The following C8orf34 variants were observed in gnomAD, a reference collection of about 807,000 sequenced individuals.
The protein encoded by C8orf34 is chromosome 8 open reading frame 34.
Under a neutral mutation model 68.3 loss-of-function variants are expected in C8orf34, and 65 were observed. That is an observed-to-expected ratio of 0.95 (90% CI 0.78 to 1.17). The LOEUF (loss-of-function observed/expected upper bound fraction) is 1.17. Among genes scored for constraint, C8orf34 ranks in the 50% most tolerant of loss-of-function variants. The probability of loss-of-function intolerance (pLI) is 0.00; values close to 1 mark genes in which losing one functional copy is unlikely to be tolerated. For missense variants in C8orf34, 664 were observed against 655.4 expected (o/e 1.01, Z -0.14); for synonymous variants, 244 against 241.2 (o/e 1.01, Z -0.11).
intron 1 of C8orf34, among the ~76,000 whole-genome samples, chr8:68,380,426 A>G (rs1807984312): frequency 6.6e-6 from 1 of 152,258 alleles, no homozygotes; most frequent in African/African-American, 2.4e-5. Flanking sequence ...CACTGTGGAA[A>G]TTACTGTTTA....
chr8:68,806,903 G>T (rs761386897), intron 12 of C8orf34, among the ~76,000 whole-genome samples: 1 of 152,104 alleles, frequency 6.6e-6, no homozygotes, highest in Non-Finnish European at 1.5e-5. Flanking sequence ...TTTCCATGAC[G>T]TGTCAGCTGC....
chr8:68,339,204 T>C lies in C8orf34; in HGVS notation c.327+7865T>C, dbSNP rs145745096. On this transcript the variant is annotated intron_variant, in intron 1 of 13. Coordinates refer to ENST00000518698, the MANE Select transcript of C8orf34 (RefSeq NM_052958.4). ...AATTTATAGGTGCTGTTAGGCAGAA[T>C]TGACATCTTAACAACTTTTAGTCTA... Among the ~76,000 whole-genome samples, 75 of 152,208 alleles carry C rather than the reference T, an allele frequency of 4.9e-4. No individual in the cohort carries two copies. In the South Asian group the frequency reaches 5.0e-3, roughly 10 times the overall value.
chr8:68,726,538 G>A (rs1821835666), intron 10 of C8orf34, among the ~76,000 whole-genome samples: 1 of 152,188 alleles, frequency 6.6e-6, no homozygotes, highest in South Asian at 2.1e-4. Context: ...AGTGTCTGCT[G>A]AGCTAGATTG....
At chr8:68,446,182 C>A in intron 2 of C8orf34, 147 bp from the exon 3 acceptor site, 1 of 609,380 alleles carries the variant, frequency 1.6e-6, no homozygotes, top group Non-Finnish European at 2.9e-6. Flanking sequence ...TGAAATTAAA[C>A]AAGTAATACC....
chr8:68,625,140 G>A (rs1327983686), intron 7 of C8orf34, among the ~76,000 whole-genome samples: 2 of 152,096 alleles, frequency 1.3e-5, no homozygotes, highest in East Asian at 1.9e-4. Context: ...ATGAATGTAG[G>A]GAGAGAACAC....
intron 7 of C8orf34, 22 bp downstream of exon 7, chr8:68,533,171 T>C: frequency 6.5e-7 from 1 of 1,548,552 alleles, no homozygotes; most frequent in Non-Finnish European, 8.7e-7. Context: ...AATTAATAAT[T>C]TCTCATTTTC....
chr8:68,705,414 G>A (rs1585756463), intron 8 of C8orf34, among the ~76,000 whole-genome samples: 1 of 152,136 alleles, frequency 6.6e-6, no homozygotes, highest in African/African-American at 2.4e-5. Flanking sequence ...CAGATATGCA[G>A]GAGAGAGAAG....
Position 68,776,589 on chromosome 8 carries a change from A to G in C8orf34, c.1455+140A>G, listed in dbSNP as rs974223841. 34 of 607,274 alleles carry G rather than the reference A, an allele frequency of 5.6e-5. No homozygotes were observed. In the African/African-American group the frequency reaches 5.7e-4, roughly 10 times the overall value. The allele number at this position is 607,274 out of a possible 1,614,324, so 37.6% of individuals were successfully genotyped here. A position where few individuals can be genotyped will look rare whatever the true frequency, so the allele number is the denominator to read the frequency against. On this transcript the variant is annotated intron_variant, in intron 11 of 13. Coordinates refer to ENST00000518698, the MANE Select transcript of C8orf34 (RefSeq NM_052958.4). ...ATGGTCATGTCCACAAAAACAGGAT[A>G]ATAAATAATAGGTTAGCAAGACAGG...
intron 7 of C8orf34, among the ~76,000 whole-genome samples, chr8:68,629,871 G>A (rs1311355762): frequency 6.6e-6 from 1 of 152,000 alleles, no homozygotes; most frequent in Non-Finnish European, 1.5e-5. Flanking sequence ...GTGTATGTGT[G>A]TACAAAGTGA....
At chr8:68,704,093 A>G (rs955641819) in intron 8 of C8orf34, among the ~76,000 whole-genome samples, 33 of 152,176 alleles carry the variant, frequency 2.2e-4, no homozygotes, top group African/African-American at 7.7e-4. Flanking sequence ...GCTCTATCTA[A>G]GCTAGACTTT....
In C8orf34 at chr8:68,455,345, A is replaced by G. The variant is rs551794548; in HGVS notation, c.607+8885A>G. Among the ~76,000 whole-genome samples, 15 of 152,258 alleles carry G rather than the reference A, an allele frequency of 9.9e-5. No homozygotes were observed. In the South Asian group the frequency reaches 2.3e-3, roughly 23 times the overall value. On this transcript the variant is annotated intron_variant, in intron 3 of 13. Transcript: ENST00000518698. ...ATCGAAAGTGGGGATTTTAAAGTCCACTATTCTTATTATAGTGCCCTCTAA... is the reference window on the plus strand; with the variant it reads ...ATCGAAAGTGGGGATTTTAAAGTCCGCTATTCTTATTATAGTGCCCTCTAA...
intron 12 of C8orf34, among the ~76,000 whole-genome samples, chr8:68,806,705 A>G (rs575205169): frequency 2.5e-4 from 38 of 152,216 alleles, no homozygotes; most frequent in Admixed American, 2.2e-3. Flanking sequence ...TTCTAAATCT[A>G]TCGTTTTTAT....
intron 8 of C8orf34, among the ~76,000 whole-genome samples, chr8:68,652,717 A>G (rs2130783263): frequency 1.3e-5 from 2 of 152,244 alleles, no homozygotes; most frequent in South Asian, 4.1e-4. Flanking sequence ...AATCAGGTTT[A>G]TCTTAAGTGC....
intron 7 of C8orf34, among the ~76,000 whole-genome samples, chr8:68,636,382 C>T (rs1042994538): frequency 1.7e-4 from 25 of 150,988 alleles, no homozygotes; most frequent in African/African-American, 5.6e-4. Flanking sequence ...GAGAACATCC[C>T]AGCTAACACA....
intron 10 of C8orf34, among the ~76,000 whole-genome samples, chr8:68,735,601 A>T (rs976219216): frequency 1.1e-5 from 1 of 90,544 alleles, no homozygotes; most frequent in African/African-American, 5.0e-5. Context: ...CTTTTTCAAG[A>T]CTCATAAAAT....
At chr8:68,594,679 T>C (rs564299190) in intron 7 of C8orf34, among the ~76,000 whole-genome samples, 1 of 152,224 alleles carries the variant, frequency 6.6e-6, no homozygotes, top group South Asian at 2.1e-4. Context: ...TATTCTACAT[T>C]TTTCTGTTTT....
chr8:68,746,884 T>A (rs1196463417), intron 10 of C8orf34, among the ~76,000 whole-genome samples: 1 of 152,084 alleles, frequency 6.6e-6, no homozygotes, highest in Non-Finnish European at 1.5e-5. Context: ...ACTCATTTTA[T>A]GAGGCCAGCA....
chr8:68,750,261 C>T (rs1404122282), intron 10 of C8orf34, among the ~76,000 whole-genome samples: 4 of 151,956 alleles, frequency 2.6e-5, no homozygotes, highest in Admixed American at 6.6e-5. Flanking sequence ...TATGAGAGAA[C>T]GTTATTCAGT....
chr8:68,331,391 A>T (rs1805582638), intron 1 of C8orf34, 52 bp downstream of exon 1: 7 of 1,510,526 alleles, frequency 4.6e-6, no homozygotes, highest in Non-Finnish European at 6.2e-6. Context: ...GAAGGGGTGC[A>T]GTAATGAAAA....
Sources: allele counts gnomAD v4.1 joint callset (sites outside exome capture counted in the v4.1 genomes callset), GRCh38; gene constraint gnomAD v4.1.1; transcripts MANE v1.5; gene names NCBI Gene and HGNC (gene_info 2026-07-23, HGNC 2026-07-21).